The following AP1G1 variants were observed in gnomAD, a reference collection of about 807,000 sequenced individuals.
The protein encoded by AP1G1 is adaptor related protein complex 1 subunit gamma 1.
In AP1G1, 7 loss-of-function variants were observed where a neutral mutation model predicts 108.3. The ratio of observed to expected loss-of-function variants is 0.06; its 90% CI spans 0.04 to 0.12. AP1G1 has a LOEUF of 0.12. Among genes scored for constraint, AP1G1 ranks in the 10% least tolerant of loss-of-function variants. AP1G1 has a pLI of 1.00. For synonymous variants in AP1G1, 379 were observed against 353.5 expected, an observed-to-expected ratio of 1.07 and a Z score of -0.81; for missense variants, 756 against 1,010.7, an observed-to-expected ratio of 0.75 and a Z score of 3.42.
intron 4 of AP1G1, 125 bp from the exon 5 acceptor site, chr16:71,771,377 G>A (rs1051207092): frequency 1.7e-6 from 1 of 590,650 alleles, no homozygotes; most frequent in African/African-American, 1.9e-5. Context: ...AATAAAGAAG[G>A]AAGAGGTTAG....
Position 71,739,315 on chromosome 16 carries a change from C to G in AP1G1, c.2026G>C (p.Ala676Pro). 1 of 1,608,256 alleles carries G rather than the reference C, an allele frequency of 6.2e-7. No individual in the cohort carries two copies. Among genetic ancestry groups the G allele is most frequent in the Non-Finnish European group, 8.5e-7 (1 of 1,178,582 alleles). The stretch of plus-strand genomic sequence containing the variant: ...GGCTGGGATATCTGTGGGACTGAGG[C>G]AGGGGCAGGAGCAGCAGCTGGAGCA... ...TGAPAAAPAP[A>P]SVPQISQPPF... The change falls in exon 20 of 23, where the codon GCC becomes CCC. Residue 676 changes from alanine to proline, a missense_variant. This residue lies in a region of AP1G1 where 357 missense variants were observed against 366.5 expected (regional missense o/e 0.97). Transcript: ENST00000299980.
At chr16:71,769,528 C>T (rs1289628935) in intron 6 of AP1G1, 95 bp downstream of exon 6, 1 of 1,232,066 alleles carries the variant, frequency 8.1e-7, no homozygotes, top group Non-Finnish European at 1.2e-6. Context: ...AGATCCATAG[C>T]TTGCTTTCAA....
At position 71,748,368 on chromosome 16, in the gene AP1G1, T is replaced by A. The variant is rs1479707132; in HGVS notation, c.1508A>T (p.Asp503Val). ...EEEEPIQVTE[D>V]EVLDILESVL... ...ACTTTCTAAAATATCCAACACTTCA[T>A]CCTCTGTTACCTGAGGAGGAGGAGG... The change falls in exon 16 of 23, where the codon GAT becomes GTT. Residue 503 changes from aspartate to valine, a missense_variant. Coordinates refer to ENST00000299980, the MANE Select transcript of AP1G1 (RefSeq NM_001128.6). 6.2e-7 allele frequency: 1 copy of A among 1,612,994 alleles called. No homozygotes were observed. Among genetic ancestry groups the A allele is most frequent in the Admixed American group, 1.7e-5 (1 of 59,558 alleles).
intron 11 of AP1G1, among the ~76,000 whole-genome samples, chr16:71,757,002 G>C (rs551830103): frequency 5.3e-5 from 8 of 152,008 alleles, no homozygotes; most frequent in Non-Finnish European, 8.8e-5. Context: ...CATGTCCTAG[G>C]AGGACAAATA....
chr16:71,766,091 T>C (rs77450436), intron 6 of AP1G1, among the ~76,000 whole-genome samples: 9,580 of 152,234 alleles, frequency 0.063, 386 homozygotes, highest in Middle Eastern at 0.11. Context: ...AGAAGAGTTA[T>C]ACCCTTTTCC....
Position 71,745,161 on chromosome 16 carries a change from C to T in AP1G1, c.1982G>A (p.Gly661Glu), listed in dbSNP as rs1427626919. ...TGCCTCACCTGTAAGGTTGATGTCT[C>T]CCAGCAAATCAAGAAGTTCTCCACC... ...SAGGELLDLL[G>E]DINLTGAPAA... The change falls in exon 19 of 23, where the codon GGA (glycine) becomes GAA (glutamate). Residue 661 changes from glycine (G) to glutamate (E), a missense_variant. Transcript: ENST00000299980. 1 of 1,614,098 alleles carries T rather than the reference C, an allele frequency of 6.2e-7. No individual in the cohort carries two copies.
rs142639197 is a variant in AP1G1 at position 71,761,675 on chromosome 16, A to C, written c.919-108T>G. The C allele has an allele frequency of 4.6e-5, 12 of 258,638 alleles. No individual in the cohort carries two copies. The East Asian group carries it at 8.8e-4, about 19-fold the overall frequency. The allele number at this position is 258,638 out of a possible 1,614,324, so 16.0% of individuals were successfully genotyped here. ...CTCTGGTGCTTCACAGACTGCTAGC[A>C]AAAAAAAAAAGGAGCTGGGTGCGGT... On this transcript the variant is annotated intron_variant, in intron 9 of 22. Coordinates refer to ENST00000299980, the MANE Select transcript of AP1G1 (RefSeq NM_001128.6).
At chr16:71,772,437 T>A (rs1418254152) in intron 4 of AP1G1, among the ~76,000 whole-genome samples, 2 of 152,206 alleles carry the variant, frequency 1.3e-5, no homozygotes, top group African/African-American at 4.8e-5. Context: ...CCTATCTTTT[T>A]TTTCTAACCT....
rs181278045 is a variant in AP1G1, at chr16:71,771,699, A to C, written c.469-447T>G. 2.0e-3 allele frequency among the ~76,000 whole-genome samples: 311 copies of C among 152,362 alleles called. 2 individuals carry two copies. Among genetic ancestry groups the C allele is most frequent in the Non-Finnish European group, 2.1e-3 (143 of 68,030 alleles). ...TATGGTTAATATGAATTTATCAAAAAGTTAAACATAATTTATGTGGAGTTT... is the reference window on the plus strand; with the variant it reads ...TATGGTTAATATGAATTTATCAAAACGTTAAACATAATTTATGTGGAGTTT... On this transcript the variant is annotated intron_variant, in intron 4 of 22. Transcript: ENST00000299980.
chr16:71,787,102 C>G (rs1345204282), intron 2 of AP1G1, among the ~76,000 whole-genome samples: 1 of 151,440 alleles, frequency 6.6e-6, no homozygotes, highest in Non-Finnish European at 1.5e-5. Context: ...AGACAGATAA[C>G]GAGGTCAGGA....
intron 1 of AP1G1, among the ~76,000 whole-genome samples, chr16:71,802,790 GTCC>G (rs927616213): frequency 1.1e-4 from 16 of 151,976 alleles, no homozygotes; most frequent in African/African-American, 3.6e-4. Flanking sequence ...TCAAACTCCT[GTCC>G]TCAAGTGATC....
At chr16:71,771,835 G>A (rs2031583777) in intron 4 of AP1G1, among the ~76,000 whole-genome samples, 1 of 152,116 alleles carries the variant, frequency 6.6e-6, no homozygotes, top group Non-Finnish European at 1.5e-5. Context: ...TACTGTAAAT[G>A]CTATAAATCT....
At chr16:71,774,147 G>A (rs148522629) in intron 3 of AP1G1, among the ~76,000 whole-genome samples, 4 of 149,612 alleles carry the variant, frequency 2.7e-5, no homozygotes, top group African/African-American at 4.9e-5. Context: ...GGAAGCCGAG[G>A]TGCATGGATA....
Position 71,769,121 on chromosome 16 carries a change from A to G in AP1G1, c.642+502T>C, listed in dbSNP as rs77170555. The stretch of plus-strand genomic sequence containing the variant: ...AACATGGTGAAACCCCGACTCTCCT[A>G]AAAATACAAAAATTAGATGGGCATG... On this transcript the variant is annotated intron_variant, in intron 6 of 22. Transcript: ENST00000299980. Among the ~76,000 whole-genome samples the G allele has an allele frequency of 6.6e-4, 100 of 151,774 alleles. No individual in the cohort carries two copies. In the East Asian group the frequency reaches 0.017, roughly 26 times the overall value.
At chr16:71,765,109 G>A (rs1231168825) in intron 7 of AP1G1, among the ~76,000 whole-genome samples, 1 of 152,204 alleles carries the variant, frequency 6.6e-6, no homozygotes, top group Non-Finnish European at 1.5e-5. Flanking sequence ...GAGAGGCTGA[G>A]GGGGGCGGGC....
chr16:71,789,257 A>G (rs374145216), intron 2 of AP1G1, 22 bp downstream of exon 2: 4 of 1,602,778 alleles, frequency 2.5e-6, no homozygotes, highest in African/African-American at 1.3e-5. Context: ...CCCTTGCTAC[A>G]TGTAGTCTCA....
chr16:71,807,183 TG>T (rs1256382403), intron 1 of AP1G1, among the ~76,000 whole-genome samples: 5 of 135,292 alleles, frequency 3.7e-5, no homozygotes, highest in Non-Finnish European at 5.0e-5. Flanking sequence ...CCTAGCACTT[TG>T]GGAGGCCGAG....
chr16:71,808,440 G>C (rs533749656), intron 1 of AP1G1: 3 of 1,187,650 alleles, frequency 2.5e-6, no homozygotes, highest in African/African-American at 1.6e-5. Flanking sequence ...CTAAACCCCA[G>C]GCTCCCTGAA....
In AP1G1 at chr16:71,756,088, T is replaced by C. The variant is rs750984692; in HGVS notation, c.1160A>G (p.Tyr387Cys). ...NIRGMMKELL[Y>C]FLDSCEPEFK... ...TTCTGGCTCACACGAATCCAGAAAATAAAGTAATTCTTTCATCATGCCTCG... is the reference window on the plus strand; with the variant it reads ...TTCTGGCTCACACGAATCCAGAAAACAAAGTAATTCTTTCATCATGCCTCG... Residue 387 changes from tyrosine (Y) to cysteine (C), a missense_variant, in exon 12 of 23, where the codon TAT becomes TGT. Tyr to Cys is a radical substitution (Grantham distance 194, BLOSUM62 -2). This residue lies in a region of AP1G1 where 304 missense variants were observed against 483.6 expected (regional missense o/e 0.63). Transcript: ENST00000299980. 3 of 1,613,532 alleles carry C rather than the reference T, an allele frequency of 1.9e-6. No individual in the cohort carries two copies. Among genetic ancestry groups the C allele is most frequent in the East Asian group, 2.2e-5 (1 of 44,882 alleles).
Sources: gnomAD v4.1 joint callset for allele counts (sites outside exome capture counted in the v4.1 genomes callset) on GRCh38, gnomAD v4.1.1 for gene constraint, gnomAD v4.1.1 regional missense constraint, MANE v1.5 for transcripts, NCBI Gene and HGNC (gene_info 2026-07-23, HGNC 2026-07-21) for gene names.